The following ZMYM4 variants were observed in gnomAD, a reference collection of about 807,000 sequenced individuals.
ZMYM4 encodes zinc finger MYM-type containing 4.
ZMYM4 carries 31 observed loss-of-function variants against 183.2 expected under a neutral mutation model. The observed-to-expected ratio is 0.17, with a 90% CI of 0.13 to 0.23. The LOEUF (loss-of-function observed/expected upper bound fraction) is 0.23. Among genes scored for constraint, ZMYM4 ranks in the 10% least tolerant of loss-of-function variants. The pLI, the probability that ZMYM4 is intolerant of heterozygous loss-of-function variation, is 1.00. For missense variants in ZMYM4, 1,273 were observed against 1,840.3 expected, an observed-to-expected ratio of 0.69 and a Z score of 5.64; for synonymous variants, 592 against 631.2, an observed-to-expected ratio of 0.94 and a Z score of 0.93.
intron 4 of ZMYM4, 81 bp from the exon 5 acceptor site, chr1:35,361,538 G>T (rs1308587144): frequency 4.1e-6 from 6 of 1,463,426 alleles, no homozygotes; most frequent in Admixed American, 4.8e-5. Flanking sequence ...CATTTCCAAT[G>T]AGCTTTTCTT....
Position 35,419,685 on chromosome 1 carries a change from G to A in ZMYM4, c.*8G>A. 6.2e-7 allele frequency: 1 copy of A among 1,614,014 alleles called. No individual in the cohort carries two copies. The highest frequency in any genetic ancestry group is 8.5e-7 in the Non-Finnish European group (1 of 1,179,908). On this transcript the variant is annotated 3_prime_UTR_variant, in exon 30 of 30. Coordinates refer to ENST00000314607, the MANE Select transcript of ZMYM4 (RefSeq NM_005095.3). ...GTTGAATTATCAGATTAAAACGGAAGTGAGGTTCTTATTTTCATACATATT... is the reference window on the plus strand; with the variant it reads ...GTTGAATTATCAGATTAAAACGGAAATGAGGTTCTTATTTTCATACATATT...
intron 7 of ZMYM4, among the ~76,000 whole-genome samples, chr1:35,377,821 C>T (rs563461362): frequency 1.1e-4 from 16 of 152,278 alleles, no homozygotes; most frequent in African/African-American, 2.6e-4. Flanking sequence ...GTGGCAATTT[C>T]TTAAGATAAC....
chr1:35,274,521 G>A (rs1022789593), intron 1 of ZMYM4, among the ~76,000 whole-genome samples: 2 of 151,284 alleles, frequency 1.3e-5, no homozygotes, highest in Non-Finnish European at 2.9e-5. Flanking sequence ...TTGGAGGATT[G>A]CTTGAGCCTA....
chr1:35,406,875 T>C (rs74531499), intron 25 of ZMYM4, among the ~76,000 whole-genome samples: 3,076 of 152,282 alleles, frequency 0.02, 38 homozygotes, highest in South Asian at 0.031. Flanking sequence ...CATGTTGTAG[T>C]AGGACCTCTA....
intron 5 of ZMYM4, among the ~76,000 whole-genome samples, chr1:35,364,078 T>A (rs1247601228): frequency 1.3e-5 from 2 of 152,196 alleles, no homozygotes; most frequent in African/African-American, 2.4e-5. Flanking sequence ...ATAAATAGGA[T>A]GGAACAGATA....
chr1:35,318,120 G>A (rs560838943), intron 1 of ZMYM4, among the ~76,000 whole-genome samples: 7 of 142,110 alleles, frequency 4.9e-5, no homozygotes, highest in South Asian at 2.3e-4. Context: ...GTACAGTTGC[G>A]CAACCTTGGC....
At chr1:35,299,304 C>A (rs897016557) in intron 1 of ZMYM4, among the ~76,000 whole-genome samples, 4 of 151,960 alleles carry the variant, frequency 2.6e-5, no homozygotes, top group African/African-American at 9.7e-5. Context: ...TTCTTGGCGT[C>A]TTGAACAAAG....
chr1:35,311,774 A>G (rs1399890340), intron 1 of ZMYM4, among the ~76,000 whole-genome samples: 1 of 152,228 alleles, frequency 6.6e-6, no homozygotes, highest in Non-Finnish European at 1.5e-5. Flanking sequence ...GCAATAGTCT[A>G]TATATAGAAA....
chr1:35,418,319 T>A, intron 28 of ZMYM4, 124 bp from the exon 29 acceptor site: 2 of 991,764 alleles, frequency 2.0e-6, no homozygotes. Flanking sequence ...GTTGAATGAG[T>A]GTGAGTGAGT....
intron 13 of ZMYM4, 105 bp downstream of exon 13, chr1:35,387,709 T>C: frequency 8.0e-7 from 1 of 1,242,772 alleles, no homozygotes; most frequent in Non-Finnish European, 1.1e-6. Flanking sequence ...TTATTGTTTA[T>C]GTATAACGTA....
intron 9 of ZMYM4, among the ~76,000 whole-genome samples, chr1:35,382,415 A>G (rs1310847833): frequency 2.0e-5 from 3 of 151,120 alleles, no homozygotes; most frequent in Non-Finnish European, 4.4e-5. Context: ...ATTTGTTTAT[A>G]CACGTTTATG....
At chr1:35,414,125 T>C in intron 27 of ZMYM4, 42 bp downstream of exon 27, 1 of 1,168,992 alleles carries the variant, frequency 8.6e-7, no homozygotes, top group Non-Finnish European at 1.2e-6. Context: ...ATATGCTTTC[T>C]TAAATTGCTT....
rs375959822 is a variant in ZMYM4 at position 35,334,036 on chromosome 1, T to TAA, written c.85+8644_85+8645dup. ...TCCAAAGAGTAAGGATTCTGTGACT[T>TAA]AAAAAAAAAAAAAAGCATGCTGTAA... On this transcript the variant is annotated intron_variant, in intron 2 of 29. Transcript: ENST00000314607. Among the ~76,000 whole-genome samples, 421 of 140,052 alleles carry TAA rather than the reference T, an allele frequency of 3.0e-3. 1 individual carries two copies. Among genetic ancestry groups the TAA allele is most frequent in the African/African-American group, 0.01 (405 of 38,600 alleles). The allele number at this position is 140,052 out of a possible 152,430, so 91.9% of individuals were successfully genotyped here.
At chr1:35,272,261 A>G (rs985559605) in intron 1 of ZMYM4, among the ~76,000 whole-genome samples, 6 of 152,190 alleles carry the variant, frequency 3.9e-5, no homozygotes, top group African/African-American at 9.6e-5. Context: ...CATTGATGAC[A>G]TGGTATTGTA....
At chr1:35,404,779 C>T (rs1402527053) in intron 23 of ZMYM4, 1 of 315,636 alleles carries the variant, frequency 3.2e-6, no homozygotes, top group East Asian at 5.8e-5. Flanking sequence ...ATAGTAAATA[C>T]CCAAATGTTA....
intron 1 of ZMYM4, among the ~76,000 whole-genome samples, chr1:35,299,732 C>T (rs1641187583): frequency 6.6e-6 from 1 of 151,816 alleles, no homozygotes; most frequent in South Asian, 2.1e-4. Flanking sequence ...CAAAGTTACA[C>T]TCTTATGCAA....
chr1:35,388,830 C>T (rs1479352898), intron 13 of ZMYM4, 80 bp from the exon 14 acceptor site: 10 of 1,342,970 alleles, frequency 7.4e-6, no homozygotes, highest in Admixed American at 5.9e-5. Flanking sequence ...GCCACTGCAC[C>T]GGGCCTGTCC....
intron 1 of ZMYM4, among the ~76,000 whole-genome samples, chr1:35,280,153 T>C (rs1640076064): frequency 6.6e-6 from 1 of 151,406 alleles, no homozygotes; most frequent in East Asian, 1.9e-4. Context: ...TCTTTCTTTC[T>C]TCCTTCCTCC....
chr1:35,326,271 C>T (rs1180993228), intron 2 of ZMYM4, among the ~76,000 whole-genome samples: 2 of 152,218 alleles, frequency 1.3e-5, no homozygotes, highest in East Asian at 3.9e-4. Context: ...TAATATTAAA[C>T]ATTGAAATAA....
Sources: gnomAD v4.1 joint callset for allele counts (sites outside exome capture counted in the v4.1 genomes callset) on GRCh38, gnomAD v4.1.1 for gene constraint, MANE v1.5 for transcripts, NCBI Gene and HGNC (gene_info 2026-07-23, HGNC 2026-07-21) for gene names.